Variants in MROH1 observed in about 807,000 individuals in gnomAD.
MROH1 encodes maestro heat-like repeat-containing protein family member 1.
Under a neutral mutation model 116.5 loss-of-function variants are expected in MROH1, and 117 were observed. The ratio of observed to expected loss-of-function variants is 1.00; its 90% CI spans 0.86 to 1.17. The LOEUF is 1.17. MROH1 is among the 50% of genes most tolerant of loss of function. The probability of loss-of-function intolerance (pLI) is 0.00; values close to 1 mark genes in which losing one functional copy is unlikely to be tolerated. For synonymous variants in MROH1, 921 were observed against 583.9 expected, an observed-to-expected ratio of 1.58 and a Z score of -8.32; for missense variants, 1,873 against 1,338.5, an observed-to-expected ratio of 1.40 and a Z score of -6.23.
chr8:144,199,283 G>A, intron 11 of MROH1, 83 bp downstream of exon 11: 1 of 1,435,900 alleles, frequency 7.0e-7, no homozygotes, highest in Non-Finnish European at 9.6e-7. Flanking sequence ...GGATGGTGGT[G>A]GCTGGGGTAC....
chr8:144,152,926 T>C (rs1817191208), intron 1 of MROH1, among the ~76,000 whole-genome samples: 1 of 152,202 alleles, frequency 6.6e-6, no homozygotes, highest in African/African-American at 2.4e-5. Context: ...ATCACGTTGC[T>C]GTTAACTCTA....
In MROH1 at chr8:144,155,737, G is replaced by A. The variant is rs1042956725; in HGVS notation, c.-176-5233G>A. ...CAACCCCTGCTTCCTGGGTTCAAGTGATTCTCCTGCCTCAGCCTCCTGAGT... is the reference window on the plus strand; with the variant it reads ...CAACCCCTGCTTCCTGGGTTCAAGTAATTCTCCTGCCTCAGCCTCCTGAGT... On this transcript the variant is annotated intron_variant, in intron 1 of 43. Coordinates refer to ENST00000326134, the MANE Select transcript of MROH1 (RefSeq NM_032450.3). Among the ~76,000 whole-genome samples the A allele has an allele frequency of 3.2e-4, 48 of 150,488 alleles. No homozygotes were observed. In the Middle Eastern group the frequency reaches 0.01, roughly 32 times the overall value.
Position 144,247,436 on chromosome 8 carries a change from G to T in MROH1, c.3007G>T (p.Gly1003Cys). 1.3e-6 allele frequency: 1 copy of T among 770,752 alleles called. No individual in the cohort carries two copies. Among genetic ancestry groups the T allele is most frequent in the Non-Finnish European group, 2.4e-6 (1 of 413,394 alleles). 47.7% of individuals were successfully genotyped at this position (770,752 alleles called of 1,614,324 possible). A position where few individuals can be genotyped will look rare whatever the true frequency, so the allele number is the denominator to read the frequency against. The change falls in exon 30 of 44, where the codon GGC becomes TGC. Residue 1003 changes from glycine (G) to cysteine (C), a missense_variant and splice_region_variant. Transcript: ENST00000326134. ...GCTGTACCTCCAGCTCGGCTATGAGGGTGAGCCCTCGTCAGGAGTGTGGGG... is the reference window on the plus strand; with the variant it reads ...GCTGTACCTCCAGCTCGGCTATGAGTGTGAGCCCTCGTCAGGAGTGTGGGG... Reference protein sequence around the residue: ...SLLYLQLGYEGFSRDYRDDVA... With the variant: ...SLLYLQLGYECFSRDYRDDVA...
Position 144,163,003 on chromosome 8 carries a change from T to C in MROH1, c.-56-768T>C, listed in dbSNP as rs990881009. Among the ~76,000 whole-genome samples, 2 of 152,254 alleles carry C rather than the reference T, an allele frequency of 1.3e-5. No homozygotes were observed. The highest frequency in any genetic ancestry group is 6.5e-5 in the Admixed American group (1 of 15,286). On this transcript the variant is annotated intron_variant, in intron 2 of 43. Coordinates refer to ENST00000326134, the MANE Select transcript of MROH1 (RefSeq NM_032450.3). The surrounding 1 kb of genome is among the most constrained non-coding windows in gnomAD (Gnocchi z 4.4). ...CTCCCAAAGTGCTGGATTACAGGCA[T>C]GAGCCATCGCTCTTGGCCAAGATTT...
At chr8:144,183,427 G>A (rs1026334404) in intron 7 of MROH1, among the ~76,000 whole-genome samples, 2 of 150,250 alleles carry the variant, frequency 1.3e-5, no homozygotes, top group Non-Finnish European at 3.0e-5. Flanking sequence ...GTGGGCTTCT[G>A]CTTGTGGCAT....
chr8:144,168,372 T>TC lies in MROH1; in HGVS notation c.103dup (p.Leu35ProfsTer21). The TC allele has an allele frequency of 6.2e-7, 1 of 1,611,350 alleles. No individual in the cohort carries two copies. Among genetic ancestry groups the TC allele is most frequent in the Non-Finnish European group, 8.5e-7 (1 of 1,179,596 alleles). On this transcript the variant is annotated frameshift_variant, in exon 4 of 44. Coordinates refer to ENST00000326134, the MANE Select transcript of MROH1 (RefSeq NM_032450.3). LOFTEE classifies it high-confidence loss of function. ...GGAGCAGGTCTGCAGTGCCCTGTGC[T>TC]CCCTCGGGGAGGCGCGGCCGGTGGA...
At chr8:144,251,930 C>T (rs1179451664) in intron 33 of MROH1, 4 of 210,954 alleles carry the variant, frequency 1.9e-5, no homozygotes, top group South Asian at 1.5e-4. Flanking sequence ...TGCTGCTGCC[C>T]ATCCTTCCTC....
chr8:144,213,739 A>G (rs866518465), intron 12 of MROH1, among the ~76,000 whole-genome samples: 44 of 152,174 alleles, frequency 2.9e-4, no homozygotes, highest in African/African-American at 1.0e-3. Flanking sequence ...CAGTGAGCCA[A>G]GATCACACAC....
At chr8:144,209,860 G>C (rs117949516) in intron 12 of MROH1, among the ~76,000 whole-genome samples, 1 of 150,232 alleles carries the variant, frequency 6.7e-6, no homozygotes, top group South Asian at 2.1e-4. Context: ...GAGCTGTGAC[G>C]GTGCCACTGC....
intron 34 of MROH1, 120 bp from the exon 35 acceptor site, chr8:144,255,389 G>T (rs1014155917): frequency 4.5e-4 from 304 of 679,684 alleles, no homozygotes; most frequent in Non-Finnish European, 6.9e-4. Context: ...CGCTGCAGCT[G>T]GGATCTGAGA....
chr8:144,192,740 C>G (rs1828957907), intron 10 of MROH1: 7 of 462,878 alleles, frequency 1.5e-5, no homozygotes, highest in Non-Finnish European at 2.8e-5. Flanking sequence ...TTTCTGGGGA[C>G]TGAGCTCAGA....
At chr8:144,192,619 C>T in intron 10 of MROH1, 1 of 693,992 alleles carries the variant, frequency 1.4e-6, no homozygotes, top group South Asian at 1.5e-5. Context: ...TAGCAGCCCC[C>T]AGGATGGAGG....
chr8:144,202,312 G>C (rs1196851482), intron 12 of MROH1, among the ~76,000 whole-genome samples: 2 of 150,092 alleles, frequency 1.3e-5, no homozygotes, highest in South Asian at 2.1e-4. Flanking sequence ...GGAAGGCAGC[G>C]ACCCGCTCTG....
At chr8:144,260,137 G>A (rs2130045526) in intron 38 of MROH1, 49 bp from the exon 39 acceptor site, 2 of 758,674 alleles carry the variant, frequency 2.6e-6, no homozygotes, top group East Asian at 2.4e-5. Flanking sequence ...GTCTTGTGGG[G>A]TAGCAGACGG....
intron 14 of MROH1, among the ~76,000 whole-genome samples, chr8:144,223,607 G>A (rs939219108): frequency 5.3e-5 from 8 of 152,218 alleles, no homozygotes; most frequent in African/African-American, 1.4e-4. Context: ...GCAGAAGCAG[G>A]AAATGGAGAG....
intron 4 of MROH1, chr8:144,174,723 TCCTC>T (rs1383634924): frequency 8.3e-5 from 36 of 434,376 alleles, no homozygotes; most frequent in African/African-American, 7.3e-4. Flanking sequence ...GCCCAAGTGA[TCCTC>T]CCACCTTGGC....
intron 7 of MROH1, among the ~76,000 whole-genome samples, chr8:144,186,826 C>T (rs541236102): frequency 1.3e-5 from 2 of 152,362 alleles, no homozygotes; most frequent in East Asian, 3.9e-4. Context: ...GGCGCGGTGG[C>T]TCACGCCTAT....
intron 32 of MROH1, among the ~76,000 whole-genome samples, chr8:144,249,998 T>G (rs1218991397): frequency 6.6e-6 from 1 of 152,220 alleles, no homozygotes; most frequent in African/African-American, 2.4e-5. Flanking sequence ...CTGGCCACTT[T>G]GCACGCAGAA....
intron 33 of MROH1, among the ~76,000 whole-genome samples, chr8:144,253,710 A>G (rs1330922299): frequency 6.6e-6 from 1 of 151,924 alleles, no homozygotes; most frequent in Admixed American, 6.6e-5. Context: ...GATCAGTGAC[A>G]CACTGTCCGC....
Sources: allele counts gnomAD v4.1 joint callset (sites outside exome capture counted in the v4.1 genomes callset), GRCh38; gene constraint gnomAD v4.1.1; non-coding constraint Gnocchi (gnomAD v3.1); transcripts MANE v1.5; gene names NCBI Gene and HGNC (gene_info 2026-07-23, HGNC 2026-07-21).